Variants in BRCA1 observed in about 807,000 individuals in gnomAD.
BRCA1 encodes the protein BRCA1 DNA repair associated.
Under a neutral mutation model 173.7 loss-of-function variants are expected in BRCA1, and 140 were observed. That is an observed-to-expected ratio of 0.81 (90% confidence interval 0.70 to 0.93). The LOEUF is 0.93. BRCA1 is among the 40% of genes least tolerant of loss of function. The pLI is 0.00. For missense variants in BRCA1, 1,983 were observed against 2,172.5 expected (o/e 0.91, Z 1.73); for synonymous variants, 662 against 756.0 (o/e 0.88, Z 2.04).
At chr17:43,057,374 G>A (rs1021071074) in intron 18 of BRCA1, among the ~76,000 whole-genome samples, 3 of 151,982 alleles carry the variant, frequency 2.0e-5, no homozygotes, top group Non-Finnish European at 1.5e-5. Context: ...AGTTGGGCGT[G>A]GTGGCAGGCA....
At chr17:43,120,979 G>T (rs146467457) in intron 2 of BRCA1, among the ~76,000 whole-genome samples, 1 of 150,700 alleles carries the variant, frequency 6.6e-6, no homozygotes, top group Non-Finnish European at 1.5e-5. Flanking sequence ...CAGGAGAAGC[G>T]CTTGAACTTG....
rs1179699673 is a variant in BRCA1, at chr17:43,100,582, TAACA to T, written c.442-706_442-703del. ...TGTATATATATATATAACATATATATAACATATATATATTATATATATATAACAT... is the reference window on the plus strand; with the variant it reads ...TGTATATATATATATAACATATATATTATATATATTATATATATATAACAT... On this transcript the variant is annotated intron_variant, in intron 6 of 22. Transcript: ENST00000357654. Among the ~76,000 whole-genome samples the T allele has an allele frequency of 3.4e-5, 4 of 116,616 alleles. 1 individual carries two copies. Among genetic ancestry groups the T allele is most frequent in the Admixed American group, 2.0e-4 (2 of 10,012 alleles). 76.5% of individuals were successfully genotyped at this position (116,616 alleles called of 152,430 possible). A position where few individuals can be genotyped will look rare whatever the true frequency, so the allele number is the denominator to read the frequency against.
intron 1 of BRCA1, chr17:43,170,061 T>A (rs1423148459): frequency 1.0e-5 from 4 of 396,822 alleles, no homozygotes. Flanking sequence ...GCAGGCAAGC[T>A]GGGAGACGGA....
At chr17:43,095,587 A>AAAC (rs2054096894) in intron 9 of BRCA1, among the ~76,000 whole-genome samples, 1 of 151,428 alleles carries the variant, frequency 6.6e-6, no homozygotes, top group East Asian at 1.9e-4. Flanking sequence ...ATCTCAAAAA[A>AAAC]AAACAAACAA....
upstream of BRCA1, chr17:43,170,263 C>T (rs1488747865): frequency 2.3e-5 from 4 of 173,050 alleles, no homozygotes; most frequent in Admixed American, 1.3e-4. Context: ...CCACGGAAAC[C>T]GCTGAGCAAT....
rs2054785999 is a variant in BRCA1 at position 43,106,502 on chromosome 17, T to C, written c.166A>G (p.Lys56Glu). Residue 56 changes from lysine (K) to glutamate (E), a missense_variant, in exon 4 of 23, where the codon AAA becomes GAA. By Grantham distance (56) the Lys-to-Glu change is moderately conservative. Coordinates refer to ENST00000357654, the MANE Select transcript of BRCA1 (RefSeq NM_007294.4). ...CATAAAGGACACTGTGAAGGCCCTT[T>C]CTTCTGGTTGAGAAGTTTCAGCATG... ...FCMLKLLNQK[K>E]GPSQCPLCKN... 1 of 1,604,170 alleles carries C rather than the reference T, an allele frequency of 6.2e-7. No individual in the cohort carries two copies. The highest frequency in any genetic ancestry group is 1.1e-5 in the South Asian group (1 of 90,442).
At chr17:43,066,961 G>C (rs796773466) in intron 16 of BRCA1, among the ~76,000 whole-genome samples, 7 of 151,446 alleles carry the variant, frequency 4.6e-5, no homozygotes, top group African/African-American at 1.7e-4. Flanking sequence ...GGGATTACAG[G>C]TGCCTGCCAC....
Position 43,074,347 on chromosome 17 carries a change from C to T in BRCA1, c.4659G>A (p.Leu1553=), listed in dbSNP as rs2052588528. The T allele has an allele frequency of 6.2e-7, 1 of 1,614,018 alleles. No individual in the cohort carries two copies. The highest frequency in any genetic ancestry group is 8.5e-7 in the Non-Finnish European group (1 of 1,179,918). ...GPHDLTETSY[L]PRQDLEGTPY... is the part of the protein sequence containing the mutation. ...AAATATTACCTAGATCTTGCCTTGG[C>T]AAGTAAGATGTTTCCGTCAAATCGT... The change falls in exon 14 of 23, where the codon TTG becomes TTA. Residue 1553 remains leucine (L), a synonymous_variant. Transcript: ENST00000357654.
chr17:43,153,961 T>C (rs1272558769), intron 1 of BRCA1, among the ~76,000 whole-genome samples: 1 of 151,746 alleles, frequency 6.6e-6, no homozygotes, highest in Non-Finnish European at 1.5e-5. Context: ...CTGAGGTGGG[T>C]GGATCACCTG....
At chr17:43,050,422 C>T (rs2051157101) in intron 20 of BRCA1, among the ~76,000 whole-genome samples, 1 of 151,630 alleles carries the variant, frequency 6.6e-6, no homozygotes, top group Non-Finnish European at 1.5e-5. Context: ...TATTGGCTAA[C>T]ACGGTGAAAC....
chr17:43,066,118 G>A (rs2052058615), intron 16 of BRCA1, among the ~76,000 whole-genome samples: 1 of 152,154 alleles, frequency 6.6e-6, no homozygotes, highest in Non-Finnish European at 1.5e-5. Flanking sequence ...GCCTCTGCTT[G>A]TGTTAATACG....
rs80357468 is a variant in BRCA1 at position 43,094,415 on chromosome 17, C to T, written c.1116G>A (p.Trp372Ter). Reference sequence around the variant, plus strand: ...TCTGAATGCTGCTATTTAGTGTTATCCAAGGAACATCTTCAGTATCTCTAG... The same window carrying T: ...TCTGAATGCTGCTATTTAGTGTTATTCAAGGAACATCTTCAGTATCTCTAG... Reference protein sequence around the residue: ...ENPRDTEDVPWITLNSSIQKV... With the variant: ...ENPRDTEDVP Residue 372 changes from tryptophan (W) to a stop codon, truncating the protein, a stop_gained, in exon 10 of 23, where the codon TGG becomes TGA. Transcript: ENST00000357654. LOFTEE classifies it high-confidence loss of function. The T allele has an allele frequency of 6.2e-7, 1 of 1,614,146 alleles. No individual in the cohort carries two copies. The highest frequency in any genetic ancestry group is 8.5e-7 in the Non-Finnish European group (1 of 1,180,034).
intron 16 of BRCA1, among the ~76,000 whole-genome samples, chr17:43,064,357 T>C (rs1333625599): frequency 6.6e-6 from 1 of 152,228 alleles, no homozygotes; most frequent in African/African-American, 2.4e-5. Flanking sequence ...AACAGTATTG[T>C]TGAAAACCTA....
At chr17:43,170,120 A>C (rs2056317643) in intron 1 of BRCA1, 2 of 280,886 alleles carry the variant, frequency 7.1e-6, no homozygotes, top group Non-Finnish European at 7.3e-6. Flanking sequence ...ACGCGGTGCT[A>C]CTCACCGGAT....
chr17:43,127,607 CTG>C (rs1425976092), upstream of BRCA1, among the ~76,000 whole-genome samples: 2 of 152,178 alleles, frequency 1.3e-5, no homozygotes, highest in African/African-American at 2.4e-5. Context: ...AATCAGCACT[CTG>C]TGTATATCTA....
At chr17:43,109,036 A>AT in intron 3 of BRCA1, among the ~76,000 whole-genome samples, 1 of 152,180 alleles carries the variant, frequency 6.6e-6, no homozygotes, top group South Asian at 2.1e-4. Context: ...AACTATATCT[A>AT]TATCTCTATC....
intron 1 of BRCA1, among the ~76,000 whole-genome samples, chr17:43,151,259 G>C (rs953408412): frequency 2.6e-5 from 4 of 152,182 alleles, no homozygotes; most frequent in African/African-American, 9.7e-5. Context: ...CATTGTCACA[G>C]TTTAACAGCT....
intron 1 of BRCA1, among the ~76,000 whole-genome samples, chr17:43,152,195 C>G (rs913543032): frequency 6.6e-6 from 1 of 152,172 alleles, no homozygotes; most frequent in Non-Finnish European, 1.5e-5. Flanking sequence ...CCTGGCTTTG[C>G]TCTACTGAGC....
intron 16 of BRCA1, among the ~76,000 whole-genome samples, chr17:43,064,932 G>A (rs2051994314): frequency 6.7e-6 from 1 of 148,906 alleles, no homozygotes; most frequent in African/African-American, 2.5e-5. Flanking sequence ...CTGGGTTCAT[G>A]CCATTCTCCT....
Sources: allele counts gnomAD v4.1 joint callset (sites outside exome capture counted in the v4.1 genomes callset), GRCh38; gene constraint gnomAD v4.1.1; transcripts MANE v1.5; gene names NCBI Gene and HGNC (gene_info 2026-07-23, HGNC 2026-07-21).